EYS: variants seen among roughly 807,000 people sequenced by gnomAD.
EYS encodes protein eyes shut homolog.
In EYS, 250 loss-of-function variants were observed where a neutral mutation model predicts 282.1. The observed-to-expected ratio is 0.89, with a 90% confidence interval of 0.80 to 0.98. The LOEUF (loss-of-function observed/expected upper bound fraction) is 0.98. Ranked by LOEUF, EYS falls within the 50% of genes least tolerant of loss-of-function variation. The probability of loss-of-function intolerance (pLI) is 0.00; values close to 1 mark genes in which losing one functional copy is unlikely to be tolerated. For synonymous variants in EYS, 1,355 were observed against 1,282.9 expected, an observed-to-expected ratio of 1.06 and a Z score of -1.20; for missense variants, 4,016 against 3,709.0, an observed-to-expected ratio of 1.08 and a Z score of -2.15.
intron 31 of EYS, among the ~76,000 whole-genome samples, chr6:64,225,702 T>A (rs1223107815): frequency 6.6e-6 from 1 of 152,090 alleles, no homozygotes; most frequent in Admixed American, 6.6e-5. Flanking sequence ...GTTATAAGTA[T>A]GAGAATAGGG....
At chr6:64,104,918 C>T (rs1238773657) in intron 31 of EYS, among the ~76,000 whole-genome samples, 1 of 151,778 alleles carries the variant, frequency 6.6e-6, no homozygotes, top group African/African-American at 2.4e-5. Flanking sequence ...AAATCGGCTA[C>T]TATTTGTGTG....
chr6:64,209,058 T>C (rs1765689723), intron 31 of EYS, among the ~76,000 whole-genome samples: 1 of 152,164 alleles, frequency 6.6e-6, no homozygotes, highest in Non-Finnish European at 1.5e-5. Context: ...ATTAAGGGAA[T>C]ATTTTTACTA....
intron 24 of EYS, among the ~76,000 whole-genome samples, chr6:64,597,206 C>CA (rs1160715215): frequency 6.6e-6 from 1 of 151,880 alleles, no homozygotes; most frequent in Non-Finnish European, 1.5e-5. Context: ...ATTAAAAAGA[C>CA]AAAAAATAAC....
At chr6:65,486,729 C>A (rs1314518545) in intron 5 of EYS, among the ~76,000 whole-genome samples, 1 of 152,158 alleles carries the variant, frequency 6.6e-6, no homozygotes, top group Non-Finnish European at 1.5e-5. Flanking sequence ...AGAGAGTCAA[C>A]AACTTTGCAG....
chr6:63,937,535 C>T (rs972317445), intron 35 of EYS, among the ~76,000 whole-genome samples: 1 of 151,082 alleles, frequency 6.6e-6, no homozygotes, highest in Non-Finnish European at 1.5e-5. Context: ...CGCCCGCCAC[C>T]ACGACCGGTT....
intron 16 of EYS, among the ~76,000 whole-genome samples, chr6:64,907,221 T>A (rs55991815): frequency 0.032 from 4,795 of 152,022 alleles, 85 homozygotes; most frequent in Middle Eastern, 0.065. Context: ...GCACTGCTAA[T>A]TTTTTTTAAA....
intron 41 of EYS, among the ~76,000 whole-genome samples, chr6:63,754,424 T>C (rs1304427671): frequency 6.6e-6 from 1 of 152,156 alleles, no homozygotes; most frequent in Non-Finnish European, 1.5e-5. Flanking sequence ...CTCCCACTTA[T>C]GAGTGAGAAC....
At chr6:64,746,518 T>A (rs1341952272) in intron 22 of EYS, among the ~76,000 whole-genome samples, 1 of 152,184 alleles carries the variant, frequency 6.6e-6, no homozygotes, top group Non-Finnish European at 1.5e-5. Flanking sequence ...GACTAAGGTT[T>A]GATTTTTAAA....
intron 12 of EYS, among the ~76,000 whole-genome samples, chr6:65,254,285 AT>A (rs1767403818): frequency 6.6e-6 from 1 of 151,814 alleles, no homozygotes; most frequent in African/African-American, 2.4e-5. Context: ...ATGATGAGAT[AT>A]TTTGGGGGAT....
chr6:65,321,906 T>C lies in EYS; in HGVS notation c.1766+13074A>G, dbSNP rs186992441. Among the ~76,000 whole-genome samples, 7 of 152,314 alleles carry C rather than the reference T, an allele frequency of 4.6e-5. No homozygotes were observed. The East Asian group carries it at 7.7e-4, about 17-fold the overall frequency. On this transcript the variant is annotated intron_variant, in intron 11 of 42. Coordinates refer to ENST00000503581, the MANE Select transcript of EYS (RefSeq NM_001142800.2). ...AAAAGGCTTTAGTAAGTTAGATTTC[T>C]TTAGGGTGGGAGAATAGGCAAGTCA...
intron 30 of EYS, among the ~76,000 whole-genome samples, chr6:64,260,397 T>C (rs1466404351): frequency 6.6e-6 from 1 of 152,082 alleles, no homozygotes; most frequent in African/African-American, 2.4e-5. Context: ...TCCTAACTAA[T>C]ATTGGTACAC....
chr6:64,418,608 C>G (rs1041485912), intron 28 of EYS, among the ~76,000 whole-genome samples: 1 of 152,162 alleles, frequency 6.6e-6, no homozygotes, highest in Non-Finnish European at 1.5e-5. Context: ...AGGAAACTCT[C>G]ATTGACTGAA....
chr6:63,869,128 AC>A (rs1253169399), intron 35 of EYS, among the ~76,000 whole-genome samples: 3 of 152,178 alleles, frequency 2.0e-5, no homozygotes, highest in African/African-American at 7.2e-5. Flanking sequence ...TGCTATAGAA[AC>A]TTTTTTCTTT....
chr6:63,832,491 A>G (rs920882161), intron 36 of EYS, among the ~76,000 whole-genome samples: 3 of 152,206 alleles, frequency 2.0e-5, no homozygotes, highest in Non-Finnish European at 2.9e-5. Flanking sequence ...TCCTGGACAC[A>G]TATACCCTCC....
chr6:65,681,444 C>T (rs1221737524), intron 1 of EYS, among the ~76,000 whole-genome samples: 2 of 151,966 alleles, frequency 1.3e-5, no homozygotes, highest in African/African-American at 4.8e-5. Context: ...AAATCAATAT[C>T]AATATTTCAG....
intron 35 of EYS, among the ~76,000 whole-genome samples, chr6:63,920,423 T>A (rs1010685465): frequency 1.3e-5 from 2 of 152,158 alleles, no homozygotes; most frequent in African/African-American, 4.8e-5. Flanking sequence ...TTCTGGAAGG[T>A]TCTGTCTCCT....
chr6:65,030,914 A>G (rs1247596224), intron 13 of EYS, among the ~76,000 whole-genome samples: 1 of 152,126 alleles, frequency 6.6e-6, no homozygotes, highest in Non-Finnish European at 1.5e-5. Flanking sequence ...CCCATATTCC[A>G]TGCAATGACA....
intron 26 of EYS, among the ~76,000 whole-genome samples, chr6:64,563,790 G>A (rs932008931): frequency 4.6e-5 from 7 of 151,796 alleles, no homozygotes; most frequent in Admixed American, 6.6e-5. Context: ...TAACTACATA[G>A]ATTATAAAAT....
intron 8 of EYS, among the ~76,000 whole-genome samples, chr6:65,368,122 A>T (rs1764984964): frequency 6.6e-6 from 1 of 151,540 alleles, no homozygotes. Flanking sequence ...CTCCTTAAAA[A>T]AAACCATCAG....
Sources: gnomAD v4.1 joint callset for allele counts (sites outside exome capture counted in the v4.1 genomes callset) on GRCh38, gnomAD v4.1.1 for gene constraint, MANE v1.5 for transcripts, NCBI Gene and HGNC (gene_info 2026-07-23, HGNC 2026-07-21) for gene names.